SPC25: variants seen among roughly 807,000 people sequenced by gnomAD.
The protein encoded by SPC25 is SPC25 component of NDC80 kinetochore complex.
A neutral mutation model predicts 29.6 loss-of-function variants in SPC25; 22 were observed. The observed-to-expected ratio is 0.74, with a 90% confidence interval of 0.53 to 1.06. The LOEUF is 1.06. Among genes scored for constraint, SPC25 ranks in the 50% least tolerant of loss-of-function variants. The pLI, the probability that SPC25 is intolerant of heterozygous loss-of-function variation, is 0.00. For missense variants in SPC25, 230 were observed against 255.8 expected (o/e 0.90, Z 0.69); for synonymous variants, 91 against 90.4 (o/e 1.01, Z -0.04).
rs187845028 is a variant in SPC25, at chr2:168,864,699, T to C, written n.419+8886A>G. ...TACACAGGTGTTCGATACATTTGGC[T>C]TCATCTGAATCAAGTGCAGAAAATG... On this transcript the variant is annotated intron_variant and non_coding_transcript_variant, in intron 4 of 4. Coordinates refer to the SPC25 transcript ENST00000479309. 122 of 937,522 alleles carry C rather than the reference T, an allele frequency of 1.3e-4. 1 individual carries two copies. The African/African-American group carries it at 1.8e-3, about 14-fold the overall frequency. The allele number at this position is 937,522 out of a possible 1,614,324, so 58.1% of individuals were successfully genotyped here.
chr2:168,890,177 A>C (rs566579340), intron 1 of SPC25, 141 bp downstream of exon 1: 27 of 288,854 alleles, frequency 9.3e-5, no homozygotes, highest in Middle Eastern at 1.8e-3. Context: ...TGCCCACCCC[A>C]CCAGGCTGTG....
chr2:168,886,052 T>TTA (rs1690256100), intron 3 of SPC25, among the ~76,000 whole-genome samples: 1 of 8,800 alleles, frequency 1.1e-4, no homozygotes, highest in Non-Finnish European at 2.7e-4. Context: ...AATACAATCT[T>TTA]TTTTTTTTTT....
intron 6 of SPC25, among the ~76,000 whole-genome samples, chr2:168,871,859 A>G (rs563721233): frequency 2.0e-5 from 3 of 151,900 alleles, no homozygotes; most frequent in Non-Finnish European, 4.4e-5. Context: ...TTAAACTTAT[A>G]TATTTTGTTT....
downstream of SPC25, among the ~76,000 whole-genome samples, chr2:168,866,446 C>G (rs1438789738): frequency 1.3e-5 from 2 of 150,246 alleles, no homozygotes; most frequent in Non-Finnish European, 3.0e-5. Flanking sequence ...GAAACTGGAT[C>G]CCTTCCTTAC....
rs754683622 is a variant in SPC25 at position 168,861,985 on chromosome 2, C to G, written n.419+11600G>C. On this transcript the variant is annotated intron_variant and non_coding_transcript_variant, in intron 4 of 4. Coordinates refer to the SPC25 transcript ENST00000479309. ...CCCCTGGTGCAGCCCAGCTCAGCAGCAGACTTTGCAAGGCCTTGTATTCTT... is the reference window on the plus strand; with the variant it reads ...CCCCTGGTGCAGCCCAGCTCAGCAGGAGACTTTGCAAGGCCTTGTATTCTT... The G allele has an allele frequency of 1.8e-5, 29 of 1,614,190 alleles. No homozygotes were observed. In the South Asian group the frequency reaches 3.1e-4, roughly 17 times the overall value.
intron 5 of SPC25, among the ~76,000 whole-genome samples, chr2:168,875,191 C>G (rs146010237): frequency 1.7e-3 from 261 of 152,232 alleles, no homozygotes; most frequent in African/African-American, 6.0e-3. Flanking sequence ...AAATATGTTC[C>G]AAGACCCCAA....
At chr2:168,872,247 C>T (rs1000856703) in intron 6 of SPC25, among the ~76,000 whole-genome samples, 3 of 152,152 alleles carry the variant, frequency 2.0e-5, no homozygotes, top group Non-Finnish European at 4.4e-5. Flanking sequence ...GGATTACAGG[C>T]GTAAGCCACC....
At chr2:168,876,414 C>CT (rs2105826200) in intron 4 of SPC25, among the ~76,000 whole-genome samples, 1 of 152,128 alleles carries the variant, frequency 6.6e-6, no homozygotes, top group East Asian at 1.9e-4. Flanking sequence ...CCTTGTCTTA[C>CT]TTTATTATGT....
intron 5 of SPC25, among the ~76,000 whole-genome samples, chr2:168,874,197 G>A (rs1028803354): frequency 7.2e-5 from 11 of 152,134 alleles, no homozygotes; most frequent in African/African-American, 2.7e-4. Flanking sequence ...TTCATACCCA[G>A]TAGGATGGCA....
intron 4 of SPC25, among the ~76,000 whole-genome samples, chr2:168,861,599 T>C (rs185759635): frequency 2.6e-5 from 4 of 152,310 alleles, no homozygotes; most frequent in Admixed American, 2.6e-4. Flanking sequence ...GGGATGATGA[T>C]AACATGCACA....
chr2:168,864,380 G>A (rs564184216), intron 4 of SPC25, among the ~76,000 whole-genome samples: 9 of 151,872 alleles, frequency 5.9e-5, no homozygotes, highest in East Asian at 3.9e-4. Context: ...TCTGCCTCCC[G>A]GGTTCAAGGA....
Position 168,871,364 on chromosome 2 carries a change from A to C in SPC25, c.*67T>G. On this transcript the variant is annotated 3_prime_UTR_variant, in exon 7 of 7. Coordinates refer to ENST00000282074, the MANE Select transcript of SPC25 (RefSeq NM_020675.4). ...AAACTTAAAGTATAATAATAATAAA[A>C]ACAAGAAAAAAAGAGATATGTAATA... is the stretch of plus-strand genomic sequence containing the variant. 1 of 1,326,172 alleles carries C rather than the reference A, an allele frequency of 7.5e-7. No individual in the cohort carries two copies. The allele number at this position is 1,326,172 out of a possible 1,614,324, so 82.2% of individuals were successfully genotyped here.
intron 3 of SPC25, among the ~76,000 whole-genome samples, chr2:168,883,135 G>A (rs6759111): frequency 2.5e-4 from 38 of 151,608 alleles, no homozygotes; most frequent in African/African-American, 8.9e-4. Flanking sequence ...ACAAGCAAAT[G>A]ATTTTTAAAA....
chr2:168,862,067 A>T (rs1689493143), intron 4 of SPC25: 1 of 1,604,282 alleles, frequency 6.2e-7, no homozygotes, highest in South Asian at 1.1e-5. Flanking sequence ...TCATTCTCAA[A>T]TATTTTAATT....
chr2:168,869,662 A>G (rs1479240949), downstream of SPC25, among the ~76,000 whole-genome samples: 1 of 152,196 alleles, frequency 6.6e-6, no homozygotes. Flanking sequence ...GATGTGAAGG[A>G]CCTCTTCAAG....
intron 4 of SPC25, among the ~76,000 whole-genome samples, chr2:168,864,054 G>A (rs547803472): frequency 2.0e-5 from 3 of 152,072 alleles, no homozygotes; most frequent in South Asian, 4.2e-4. Context: ...TGCAACCTCC[G>A]TCTCCTGGAT....
chr2:168,883,126 C>G (rs1690203065), intron 3 of SPC25, among the ~76,000 whole-genome samples: 2 of 151,400 alleles, frequency 1.3e-5, no homozygotes. Context: ...CAATGGCTAA[C>G]AAGCAAATGA....
At chr2:168,866,953 C>T (rs1689869915), downstream of SPC25, among the ~76,000 whole-genome samples, 2 of 152,124 alleles carry the variant, frequency 1.3e-5, 1 homozygote, top group South Asian at 4.1e-4. Context: ...GAACGGCAAT[C>T]ATTAAAAAGT....
chr2:168,888,923 A>C, intron 3 of SPC25, among the ~76,000 whole-genome samples: 1 of 117,870 alleles, frequency 8.5e-6, no homozygotes, highest in East Asian at 2.6e-4. Flanking sequence ...CACTACATGT[A>C]CGTGTGTGTG....
Sources: gnomAD v4.1 joint callset for allele counts (sites outside exome capture counted in the v4.1 genomes callset) on GRCh38, gnomAD v4.1.1 for gene constraint, MANE v1.5 for transcripts, NCBI Gene and HGNC (gene_info 2026-07-23, HGNC 2026-07-21) for gene names.